HTR4: variants seen among roughly 807,000 people sequenced by gnomAD.
The protein encoded by HTR4 is 5-hydroxytryptamine receptor 4.
In HTR4, 16 loss-of-function variants were observed where a neutral mutation model predicts 36.8. That is an observed-to-expected ratio of 0.43 (90% confidence interval 0.29 to 0.66). The LOEUF is 0.66. Among genes scored for constraint, HTR4 ranks in the 30% least tolerant of loss-of-function variants. The pLI, the probability that HTR4 is intolerant of heterozygous loss-of-function variation, is 0.13. For missense variants in HTR4, 438 were observed against 490.9 expected, an observed-to-expected ratio of 0.89 and a Z score of 1.02; for synonymous variants, 189 against 185.1, an observed-to-expected ratio of 1.02 and a Z score of -0.17.
At chr5:148,492,013 A>G (rs1351077192) in intron 6 of HTR4, among the ~76,000 whole-genome samples, 1 of 152,228 alleles carries the variant, frequency 6.6e-6, no homozygotes, top group African/African-American at 2.4e-5. Context: ...GCCAGGGTTG[A>G]AGGCCAGGGC....
chr5:148,555,653 C>T (rs1326612688), intron 2 of HTR4, among the ~76,000 whole-genome samples: 1 of 152,160 alleles, frequency 6.6e-6, no homozygotes, highest in Non-Finnish European at 1.5e-5. Flanking sequence ...GCTGTCCACT[C>T]CACTAAATTG....
chr5:148,534,789 A>G lies in HTR4; in HGVS notation c.354-11443T>C, dbSNP rs533224783. On this transcript the variant is annotated intron_variant, in intron 4 of 6. Transcript: ENST00000377888. ...CTGCACTGAGCAATTCCTGACCTCA[A>G]TCTCTCTGGGGTGGAGCCTCCAAGA... is the stretch of plus-strand genomic sequence containing the variant. 4.6e-5 allele frequency among the ~76,000 whole-genome samples: 7 copies of G among 152,050 alleles called. No homozygotes were observed. The South Asian group carries it at 6.2e-4, about 14-fold the overall frequency.
At chr5:148,512,636 G>C (rs553437282) in intron 5 of HTR4, among the ~76,000 whole-genome samples, 17 of 152,182 alleles carry the variant, frequency 1.1e-4, no homozygotes, top group Admixed American at 8.5e-4. Flanking sequence ...TTACTCCTAA[G>C]TATAAAGATA....
chr5:148,594,430 T>C (rs1720870933), intron 2 of HTR4, among the ~76,000 whole-genome samples: 1 of 151,632 alleles, frequency 6.6e-6, no homozygotes, highest in African/African-American at 2.4e-5. Context: ...GGAAAAGCAA[T>C]AAAATAATAA....
In HTR4 at chr5:148,482,933, C is replaced by T; in HGVS notation, c.*270G>A. On this transcript the variant is annotated 3_prime_UTR_variant, in exon 7 of 7. Coordinates refer to ENST00000377888, the MANE Select transcript of HTR4 (RefSeq NM_000870.7). ...GAGTGACGGGAACATGTCAGAGACA[C>T]CAGAGACCACGCGGCAAAAGCAGAG... The T allele has an allele frequency of 7.4e-7, 1 of 1,343,382 alleles. No homozygotes were observed. The highest frequency in any genetic ancestry group is 9.6e-7 in the Non-Finnish European group (1 of 1,041,542). 83.2% of individuals were successfully genotyped at this position (1,343,382 alleles called of 1,614,324 possible).
At chr5:148,646,846 G>T (rs143338991) in intron 1 of HTR4, among the ~76,000 whole-genome samples, 17 of 152,308 alleles carry the variant, frequency 1.1e-4, no homozygotes, top group African/African-American at 3.6e-4. Context: ...AAGAGGAGCT[G>T]CCCAAAGCAA....
At chr5:148,540,957 CAAT>C (rs1262998442) in intron 4 of HTR4, among the ~76,000 whole-genome samples, 3 of 152,106 alleles carry the variant, frequency 2.0e-5, no homozygotes, top group African/African-American at 7.2e-5. Flanking sequence ...GAGAGGAAAA[CAAT>C]AATGGAATAG....
At chr5:148,610,095 T>G (rs988647422) in intron 2 of HTR4, among the ~76,000 whole-genome samples, 9 of 152,164 alleles carry the variant, frequency 5.9e-5, no homozygotes, top group African/African-American at 1.9e-4. Flanking sequence ...GTCCTTCCAA[T>G]AAAACATTGC....
intron 1 of HTR4, among the ~76,000 whole-genome samples, chr5:148,647,246 TCA>T (rs1207945321): frequency 6.6e-6 from 1 of 152,256 alleles, no homozygotes; most frequent in Non-Finnish European, 1.5e-5. Context: ...TCTGTCATTT[TCA>T]TAAATTATTT....
chr5:148,502,837 G>A (rs548691041), intron 6 of HTR4, among the ~76,000 whole-genome samples: 2 of 152,308 alleles, frequency 1.3e-5, no homozygotes, highest in Non-Finnish European at 2.9e-5. Flanking sequence ...CGAGAACTAC[G>A]TGACAAATGC....
exon 6 of HTR4, chr5:148,451,170 G>C: frequency 1.9e-6 from 3 of 1,613,634 alleles, no homozygotes; most frequent in Non-Finnish European, 2.5e-6. Context: ...GCTAAGTTGT[G>C]AGCCATGTCC....
At chr5:148,547,562 A>AAAT (rs1554094302) in intron 4 of HTR4, among the ~76,000 whole-genome samples, 9 of 138,918 alleles carry the variant, frequency 6.5e-5, no homozygotes, top group Non-Finnish European at 1.1e-4. Flanking sequence ...AAAATAAAAT[A>AAAT]AAATAAATAA....
chr5:148,472,557 A>G (rs911257671), downstream of HTR4, among the ~76,000 whole-genome samples: 1 of 152,168 alleles, frequency 6.6e-6, no homozygotes, highest in Non-Finnish European at 1.5e-5. Flanking sequence ...TCTCTTTGGT[A>G]TGTAGGCCTG....
chr5:148,456,341 G>C (rs960659019), intron 5 of HTR4, among the ~76,000 whole-genome samples: 2 of 152,142 alleles, frequency 1.3e-5, no homozygotes, highest in Non-Finnish European at 2.9e-5. Context: ...TCACAGTTGC[G>C]TTCATGTACA....
downstream of HTR4, among the ~76,000 whole-genome samples, chr5:148,479,306 T>C (rs1441169097): frequency 6.6e-6 from 1 of 151,884 alleles, no homozygotes; most frequent in East Asian, 1.9e-4. Flanking sequence ...AGTCAGAAAA[T>C]TCTCTAGCTT....
chr5:148,643,148 A>T (rs546832257), intron 1 of HTR4, among the ~76,000 whole-genome samples: 1 of 152,302 alleles, frequency 6.6e-6, no homozygotes, highest in South Asian at 2.1e-4. Context: ...CTATACTGAT[A>T]CGTACAATTA....
At chr5:148,526,415 A>C (rs1388480873) in intron 4 of HTR4, among the ~76,000 whole-genome samples, 2 of 152,222 alleles carry the variant, frequency 1.3e-5, no homozygotes, top group Non-Finnish European at 2.9e-5. Flanking sequence ...GGATAAATGA[A>C]GAATGAATTC....
At chr5:148,480,251 A>T (rs1405708304), downstream of HTR4, among the ~76,000 whole-genome samples, 1 of 152,216 alleles carries the variant, frequency 6.6e-6, no homozygotes, top group South Asian at 2.1e-4. Flanking sequence ...TGAATAACCA[A>T]ATCCTTTTAA....
At chr5:148,548,302 T>A (rs1759487706) in intron 4 of HTR4, among the ~76,000 whole-genome samples, 2 of 152,230 alleles carry the variant, frequency 1.3e-5, no homozygotes, top group Admixed American at 6.5e-5. Context: ...CCACCCCTGC[T>A]GCCCTCTGGG....
Sources: allele counts gnomAD v4.1 joint callset (sites outside exome capture counted in the v4.1 genomes callset), GRCh38; gene constraint gnomAD v4.1.1; transcripts MANE v1.5; gene names NCBI Gene and HGNC (gene_info 2026-07-23, HGNC 2026-07-21).